The following WDPCP variants were observed in gnomAD, a reference collection of about 807,000 sequenced individuals.
WDPCP encodes WD repeat-containing and planar cell polarity effector protein fritz homolog.
A neutral mutation model predicts 93.1 loss-of-function variants in WDPCP; 71 were observed. The observed-to-expected ratio is 0.76, with a 90% CI of 0.63 to 0.93. WDPCP has a LOEUF of 0.93. Ranked by LOEUF, WDPCP falls within the 40% of genes least tolerant of loss-of-function variation. The pLI, the probability that WDPCP is intolerant of heterozygous loss-of-function variation, is 0.00. For missense variants in WDPCP, 844 were observed against 887.4 expected (o/e 0.95, Z 0.62); for synonymous variants, 315 against 315.0 (o/e 1.00, Z 0.00).
At chr2:63,415,234 G>A (rs1247805603) in intron 9 of WDPCP, among the ~76,000 whole-genome samples, 3 of 152,064 alleles carry the variant, frequency 2.0e-5, no homozygotes, top group Admixed American at 1.3e-4. Context: ...ACGGTGGCAC[G>A]TACCTATAAT....
At chr2:63,615,842 T>G (rs1308028350) in intron 3 of WDPCP, among the ~76,000 whole-genome samples, 1 of 152,226 alleles carries the variant, frequency 6.6e-6, no homozygotes, top group Non-Finnish European at 1.5e-5. Context: ...TACTCATGCT[T>G]CTTCTCTTAC....
chr2:63,589,098 T>C (rs755565589), upstream of WDPCP: 4 of 1,614,082 alleles, frequency 2.5e-6, no homozygotes, highest in Non-Finnish European at 2.5e-6. Context: ...CGCCCTTGAG[T>C]GGGGTTTCTT....
At chr2:63,622,819 A>T in intron 3 of WDPCP, 1 of 1,610,816 alleles carries the variant, frequency 6.2e-7, no homozygotes, top group South Asian at 1.1e-5. Context: ...TGGCCCAGGA[A>T]ATACTTAACC....
At chr2:63,772,090 A>G (rs1401487930) in intron 2 of WDPCP, among the ~76,000 whole-genome samples, 1 of 152,002 alleles carries the variant, frequency 6.6e-6, no homozygotes, top group Non-Finnish European at 1.5e-5. Flanking sequence ...GTCGAATTGC[A>G]GTTCTATTAG....
chr2:63,564,545 T>C (rs1706879359), intron 1 of WDPCP: 1 of 152,192 alleles, frequency 6.6e-6, no homozygotes, highest in African/African-American at 2.4e-5. Flanking sequence ...AGTTTTCTTG[T>C]TTCTGTCATC....
At chr2:63,738,591 A>C (rs1435933607) in intron 2 of WDPCP, among the ~76,000 whole-genome samples, 2 of 152,156 alleles carry the variant, frequency 1.3e-5, no homozygotes, top group Non-Finnish European at 2.9e-5. Context: ...TCTGTATTTG[A>C]AATTTTAATC....
At chr2:63,621,466 G>T (rs562428335) in intron 3 of WDPCP, among the ~76,000 whole-genome samples, 33 of 152,044 alleles carry the variant, frequency 2.2e-4, no homozygotes, top group African/African-American at 7.7e-4. Context: ...GTGAAGACAA[G>T]ATTAGAGAAT....
chr2:63,186,606 G>T (rs1017645897), intron 14 of WDPCP, among the ~76,000 whole-genome samples: 3 of 152,264 alleles, frequency 2.0e-5, no homozygotes, highest in Non-Finnish European at 4.4e-5. Context: ...CATGGCCTGG[G>T]TGGCATGGTT....
Position 63,492,742 on chromosome 2 carries a change from TAAAG to T in WDPCP, c.160+110_160+113del, listed in dbSNP as rs1700970428. On this transcript the variant is annotated intron_variant, in intron 2 of 17. Coordinates refer to ENST00000272321, the MANE Select transcript of WDPCP (RefSeq NM_015910.7). ...CCATTAACCAATTTTTCATTAAGAA[TAAAG>T]AAAGAATGCAACTCCAGCTGGAGAA... 1.4e-5 allele frequency: 13 copies of T among 926,296 alleles called. No homozygotes were observed. In the South Asian group the frequency reaches 2.0e-4, roughly 14 times the overall value. 57.4% of individuals were successfully genotyped at this position (926,296 alleles called of 1,614,324 possible). A position where few individuals can be genotyped will look rare whatever the true frequency, so the allele number is the denominator to read the frequency against.
chr2:63,732,978 A>G (rs2103828969), intron 2 of WDPCP, among the ~76,000 whole-genome samples: 1 of 152,310 alleles, frequency 6.6e-6, no homozygotes, highest in Middle Eastern at 3.4e-3. Context: ...GTATTAGAAG[A>G]AAGAGGAGAG....
chr2:63,760,778 A>T (rs1450412322), intron 2 of WDPCP, among the ~76,000 whole-genome samples: 1 of 152,176 alleles, frequency 6.6e-6, no homozygotes, highest in Non-Finnish European at 1.5e-5. Flanking sequence ...GGTTCTAAGG[A>T]TGCCCTCTGT....
intron 12 of WDPCP, among the ~76,000 whole-genome samples, chr2:63,348,279 C>T (rs1487090965): frequency 6.6e-6 from 1 of 152,110 alleles, no homozygotes; most frequent in East Asian, 1.9e-4. Flanking sequence ...TGTTTGACTC[C>T]AAGCCTTGGA....
At chr2:63,681,451 C>T (rs1039608784) in intron 2 of WDPCP, among the ~76,000 whole-genome samples, 5 of 152,066 alleles carry the variant, frequency 3.3e-5, no homozygotes, top group African/African-American at 4.8e-5. Context: ...GAGTGGGGCT[C>T]CTCTTCCTTT....
intron 17 of WDPCP, among the ~76,000 whole-genome samples, chr2:63,143,096 C>A (rs979335361): frequency 6.6e-6 from 1 of 152,060 alleles, no homozygotes; most frequent in Non-Finnish European, 1.5e-5. Context: ...GGACTACAGG[C>A]ACATGTCACC....
rs558104001 is a variant in WDPCP at position 63,453,906 on chromosome 2, G to A, written c.385-14035C>T. Among the ~76,000 whole-genome samples the A allele has an allele frequency of 1.6e-3, 224 of 141,410 alleles. 1 individual carries two copies. The highest frequency in any genetic ancestry group is 5.3e-3 in the African/African-American group (198 of 37,674). 92.8% of individuals were successfully genotyped at this position (141,410 alleles called of 152,430 possible). On this transcript the variant is annotated intron_variant, in intron 6 of 17. Coordinates refer to ENST00000272321, the MANE Select transcript of WDPCP (RefSeq NM_015910.7). Reference sequence around the variant, plus strand: ...GGGAATTGAACAATGAGAACACTTGGACACAGGGTAAGGAACGGAACATCA... The same window carrying A: ...GGGAATTGAACAATGAGAACACTTGAACACAGGGTAAGGAACGGAACATCA...
intron 1 of WDPCP, among the ~76,000 whole-genome samples, chr2:63,493,460 C>G (rs2105954974): frequency 6.6e-6 from 1 of 151,762 alleles, no homozygotes; most frequent in Non-Finnish European, 1.5e-5. Context: ...AACATAATTA[C>G]TTAAAAGTAA....
At chr2:63,272,934 T>C (rs1682772361) in intron 13 of WDPCP, among the ~76,000 whole-genome samples, 1 of 151,484 alleles carries the variant, frequency 6.6e-6, no homozygotes, top group African/African-American at 2.4e-5. Context: ...TCCAAAAAGG[T>C]TTTCAAGCCA....
At chr2:63,177,699 TG>T (rs968716540) in intron 14 of WDPCP, among the ~76,000 whole-genome samples, 9 of 152,146 alleles carry the variant, frequency 5.9e-5, no homozygotes, top group African/African-American at 2.2e-4. Context: ...TTTCTGATTT[TG>T]GTGCCTTTTA....
intron 9 of WDPCP, among the ~76,000 whole-genome samples, chr2:63,407,387 T>G (rs1694671611): frequency 6.6e-6 from 1 of 152,190 alleles, no homozygotes; most frequent in Non-Finnish European, 1.5e-5. Flanking sequence ...CTAGGGACTT[T>G]GATTTTTTCT....
Sources: allele counts gnomAD v4.1 joint callset (sites outside exome capture counted in the v4.1 genomes callset), GRCh38; gene constraint gnomAD v4.1.1; transcripts MANE v1.5; gene names NCBI Gene and HGNC (gene_info 2026-07-23, HGNC 2026-07-21).